Variants in NFATC2 observed in about 807,000 individuals in gnomAD.
NFATC2 encodes nuclear factor of activated T cells 2.
A neutral mutation model predicts 87.3 loss-of-function variants in NFATC2; 22 were observed. The observed-to-expected ratio is 0.25, with a 90% CI of 0.18 to 0.36. NFATC2 has a LOEUF of 0.36. Among genes scored for constraint, NFATC2 ranks in the 10% least tolerant of loss-of-function variants. The pLI, the probability that NFATC2 is intolerant of heterozygous loss-of-function variation, is 1.00. For synonymous variants in NFATC2, 565 were observed against 542.2 expected (o/e 1.04, Z -0.58); for missense variants, 1,149 against 1,259.1 (o/e 0.91, Z 1.32).
At chr20:51,401,028 C>T (rs954699117) in intron 9 of NFATC2, among the ~76,000 whole-genome samples, 17 of 152,078 alleles carry the variant, frequency 1.1e-4, no homozygotes, top group Non-Finnish European at 2.1e-4. Flanking sequence ...TCCCCAGCCA[C>T]GAGATGGGGA....
At chr20:51,477,544 T>TACA (rs1296486828) in intron 3 of NFATC2, among the ~76,000 whole-genome samples, 1 of 76,476 alleles carries the variant, frequency 1.3e-5, no homozygotes, top group African/African-American at 9.6e-5. Context: ...TCTATATATA[T>TACA]ATATATATAT....
chr20:51,476,331 TTGTG>T (rs1261353641), intron 3 of NFATC2, among the ~76,000 whole-genome samples: 3 of 149,968 alleles, frequency 2.0e-5, no homozygotes, highest in South Asian at 4.2e-4. Context: ...CAAAGTTTGA[TTGTG>T]TAACTTTAAA....
intron 1 of NFATC2, among the ~76,000 whole-genome samples, chr20:51,560,672 G>A (rs1356689134): frequency 1.3e-5 from 2 of 152,164 alleles, no homozygotes; most frequent in African/African-American, 2.4e-5. Context: ...CAGTTGCCTT[G>A]GCAGACCAAG....
At chr20:51,559,443 G>A (rs1004988781) in intron 1 of NFATC2, among the ~76,000 whole-genome samples, 19 of 152,294 alleles carry the variant, frequency 1.2e-4, no homozygotes, top group African/African-American at 4.6e-4. Flanking sequence ...CTGTCAAATG[G>A]TATAAAAAAT....
chr20:51,416,803 G>A (rs1980099727), intron 9 of NFATC2, among the ~76,000 whole-genome samples: 1 of 152,072 alleles, frequency 6.6e-6, no homozygotes, highest in African/African-American at 2.4e-5. Flanking sequence ...CTCACCTAAG[G>A]CCACACCCCC....
intron 1 of NFATC2, among the ~76,000 whole-genome samples, chr20:51,537,294 G>A (rs990603825): frequency 1.3e-5 from 2 of 151,984 alleles, no homozygotes; most frequent in Non-Finnish European, 2.9e-5. Flanking sequence ...GCAGTGCCCA[G>A]GGGAAAGGGC....
At chr20:51,401,046 A>T (rs2146239468) in intron 9 of NFATC2, among the ~76,000 whole-genome samples, 1 of 152,260 alleles carries the variant, frequency 6.6e-6, no homozygotes, top group South Asian at 2.1e-4. Context: ...GGATGAGAAC[A>T]CTTCCTTGGC....
At chr20:51,427,025 G>T in intron 9 of NFATC2, among the ~76,000 whole-genome samples, 1 of 151,804 alleles carries the variant, frequency 6.6e-6, no homozygotes, top group East Asian at 1.9e-4. Context: ...ACAAGTCACT[G>T]CAGGGGCTGC....
chr20:51,436,391 C>CT (rs1416434513), intron 6 of NFATC2, among the ~76,000 whole-genome samples: 23 of 86,844 alleles, frequency 2.6e-4, no homozygotes, highest in Admixed American at 1.5e-3. Flanking sequence ...GTCTATCTTT[C>CT]TATTTTTTTT....
chr20:51,484,373 G>C (rs530754376), intron 3 of NFATC2, among the ~76,000 whole-genome samples: 30 of 152,176 alleles, frequency 2.0e-4, no homozygotes, highest in African/African-American at 7.0e-4. Context: ...GCCTTAAGTT[G>C]CATCATCCAC....
intron 9 of NFATC2, among the ~76,000 whole-genome samples, chr20:51,403,152 T>C (rs368257119): frequency 6.6e-6 from 1 of 152,224 alleles, no homozygotes; most frequent in Non-Finnish European, 1.5e-5. Context: ...CCTTTGGATC[T>C]ATCTTTTGTA....
At position 51,454,642 on chromosome 20, in the gene NFATC2, T is replaced by G. The variant is rs1483070626; in HGVS notation, c.1755A>C (p.Thr585=). Residue 585 remains threonine (T), a synonymous_variant, in exon 6 of 11, where the codon ACA becomes ACC. Transcript: ENST00000371564. ...GGCCGCCATAGACCAGGCAGCTGTC[T>G]GTGTCTTGTCTTTCAACCATGGGCA... ...HELPMVERQD[T]DSCLVYGGQQ... The G allele has an allele frequency of 4.3e-6, 7 of 1,613,990 alleles. No individual in the cohort carries two copies. In the East Asian group the frequency reaches 1.3e-4, roughly 31 times the overall value.
intron 10 of NFATC2, among the ~76,000 whole-genome samples, chr20:51,394,753 A>T (rs114125817): frequency 7.1e-6 from 1 of 140,042 alleles, no homozygotes; most frequent in African/African-American, 3.3e-5. Context: ...GTGCTGAACC[A>T]CTCTCCTGTA....
At chr20:51,472,445 T>G (rs1568660566) in intron 5 of NFATC2, among the ~76,000 whole-genome samples, 2 of 152,024 alleles carry the variant, frequency 1.3e-5, no homozygotes, top group African/African-American at 4.8e-5. Flanking sequence ...CTGTAGGAAG[T>G]TGATATTGTG....
At chr20:51,464,361 CAG>C (rs1024575668) in intron 5 of NFATC2, among the ~76,000 whole-genome samples, 1 of 152,192 alleles carries the variant, frequency 6.6e-6, no homozygotes, top group Non-Finnish European at 1.5e-5. Context: ...CCCCATTTTA[CAG>C]ATAGGGAAAG....
chr20:51,440,063 C>T (rs1028734970), intron 6 of NFATC2, among the ~76,000 whole-genome samples: 6 of 152,022 alleles, frequency 3.9e-5, no homozygotes, highest in Admixed American at 1.3e-4. Context: ...ATGGTAAAAC[C>T]CCGTCTCTAC....
intron 3 of NFATC2, among the ~76,000 whole-genome samples, chr20:51,482,037 G>A (rs1282222411): frequency 6.6e-6 from 1 of 152,114 alleles, no homozygotes; most frequent in African/African-American, 2.4e-5. Flanking sequence ...AAGTGATCAG[G>A]TGGCAACAGC....
intron 6 of NFATC2, among the ~76,000 whole-genome samples, chr20:51,450,190 C>T (rs866839807): frequency 3.3e-5 from 5 of 152,234 alleles, no homozygotes; most frequent in Non-Finnish European, 7.4e-5. Flanking sequence ...TTACTCAGAA[C>T]GACACAGCTA....
chr20:51,475,250 C>T (rs111838448), intron 4 of NFATC2, among the ~76,000 whole-genome samples: 23,805 of 152,100 alleles, frequency 0.16, 2,225 homozygotes, highest in Non-Finnish European at 0.21. Context: ...ATTACAGGCG[C>T]GAGCCACCAC....
Sources: gnomAD v4.1 joint callset for allele counts (sites outside exome capture counted in the v4.1 genomes callset) on GRCh38, gnomAD v4.1.1 for gene constraint, MANE v1.5 for transcripts, NCBI Gene and HGNC (gene_info 2026-07-23, HGNC 2026-07-21) for gene names.